AAK1: variants seen among roughly 807,000 people sequenced by gnomAD.
AAK1 encodes the protein AP2-associated protein kinase 1.
AAK1 carries 37 observed loss-of-function variants against 116.0 expected under a neutral mutation model. That is an observed-to-expected ratio of 0.32 (90% CI 0.25 to 0.42). AAK1 has a LOEUF of 0.42. AAK1 is among the 10% of genes least tolerant of loss of function. The probability of loss-of-function intolerance (pLI) is 1.00; values close to 1 mark genes in which losing one functional copy is unlikely to be tolerated. For missense variants in AAK1, 919 were observed against 1,170.6 expected, an observed-to-expected ratio of 0.79 and a Z score of 3.14; for synonymous variants, 458 against 439.9, an observed-to-expected ratio of 1.04 and a Z score of -0.51.
chr2:69,487,787 CTTT>C (rs1177565486), intron 17 of AAK1, among the ~76,000 whole-genome samples: 3 of 122,764 alleles, frequency 2.4e-5, no homozygotes, highest in Non-Finnish European at 3.6e-5. Flanking sequence ...TGTTTGTTTG[CTTT>C]TTTTTTTTTT....
At chr2:69,538,428 G>T (rs1670568298) in intron 5 of AAK1, among the ~76,000 whole-genome samples, 1 of 152,236 alleles carries the variant, frequency 6.6e-6, no homozygotes, top group Non-Finnish European at 1.5e-5. Context: ...TGTCTCCAGG[G>T]CCCCATCACT....
intron 10 of AAK1, among the ~76,000 whole-genome samples, chr2:69,522,543 C>A (rs1669832521): frequency 1.3e-5 from 2 of 152,154 alleles, no homozygotes; most frequent in Non-Finnish European, 2.9e-5. Context: ...GTGGCTCACA[C>A]CTTTAATCCC....
At chr2:69,557,046 G>T in intron 2 of AAK1, 68 bp from the exon 3 acceptor site, 1 of 1,191,202 alleles carries the variant, frequency 8.4e-7, no homozygotes, top group Non-Finnish European at 1.2e-6. Flanking sequence ...AACTGTGGTG[G>T]CTGGAGGTTG....
At chr2:69,525,242 G>T in intron 9 of AAK1, 130 bp from the exon 10 acceptor site, 1 of 820,362 alleles carries the variant, frequency 1.2e-6, no homozygotes, top group Non-Finnish European at 1.9e-6. Context: ...GCAGCTTCCA[G>T]GCCCTGAGCT....
At chr2:69,606,574 G>A (rs182770480) in intron 2 of AAK1, among the ~76,000 whole-genome samples, 37 of 152,272 alleles carry the variant, frequency 2.4e-4, no homozygotes, top group African/African-American at 8.7e-4. Flanking sequence ...GACATACATC[G>A]TCCTGCTGCC....
chr2:69,632,520 C>G (rs937850110), intron 2 of AAK1, among the ~76,000 whole-genome samples: 1 of 152,224 alleles, frequency 6.6e-6, no homozygotes, highest in Non-Finnish European at 1.5e-5. Context: ...TGGGAAGAGA[C>G]AGTAGTTGGG....
In AAK1 at chr2:69,531,388, A is replaced by G. The variant is rs148861957; in HGVS notation, c.656+653T>C. Among the ~76,000 whole-genome samples the G allele has an allele frequency of 6.6e-3, 1,011 of 152,290 alleles. 19 individuals are homozygous for G. Among genetic ancestry groups the G allele is most frequent in the East Asian group, 0.012 (64 of 5,186 alleles). On this transcript the variant is annotated intron_variant, in intron 6 of 21. Transcript: ENST00000409085. ...CGGGCATGGTTGTCTGGGGTGACGC[A>G]TGAAAGGACAGAGAAGATCAGGATG...
chr2:69,643,684 C>G lies in AAK1; in HGVS notation c.-344G>C. On this transcript the variant is annotated 5_prime_UTR_variant, in exon 1 of 22. Coordinates refer to ENST00000409085, the MANE Select transcript of AAK1 (RefSeq NM_014911.5). ...GGCGGCGCTGCAGCGAGAGCCGGGG[C>G]CGCGCTCGGCTCCCGCCCGCCCGCC... The G allele has an allele frequency of 8.2e-7, 1 of 1,222,022 alleles. No individual in the cohort carries two copies. The highest frequency in any genetic ancestry group is 1.0e-6 in the Non-Finnish European group (1 of 981,732). The allele number at this position is 1,222,022 out of a possible 1,614,324, so 75.7% of individuals were successfully genotyped here.
Position 69,467,508 on chromosome 2 carries a change from T to A in AAK1, c.*8361A>T, listed in dbSNP as rs1207360827. 3 of 985,214 alleles carry A rather than the reference T, an allele frequency of 3.0e-6. No individual in the cohort carries two copies. In the African/African-American group the frequency reaches 5.2e-5, roughly 17 times the overall value. The allele number at this position is 985,214 out of a possible 1,614,324, so 61.0% of individuals were successfully genotyped here. A position where few individuals can be genotyped will look rare whatever the true frequency, so the allele number is the denominator to read the frequency against. ...GGCATATGTAACTAAGCAAGAAGAA[T>A]CCAGAGAAAGGGTGGTTGGGGGTAA... On this transcript the variant is annotated 3_prime_UTR_variant, in exon 22 of 22. Transcript: ENST00000409085.
rs967964499 is a variant in AAK1 at position 69,461,884 on chromosome 2, G to A, written c.*13985C>T. ...TGGGATTACAAGCGTGAGCCACCGC[G>A]CCTGGCCTCCAGTGAAAAATTTAAA... On this transcript the variant is annotated 3_prime_UTR_variant, in exon 22 of 22. Coordinates refer to ENST00000409085, the MANE Select transcript of AAK1 (RefSeq NM_014911.5). 6 of 183,300 alleles carry A rather than the reference G, an allele frequency of 3.3e-5. No homozygotes were observed. The highest frequency in any genetic ancestry group is 1.9e-4 in the East Asian group (1 of 5,384). The allele number at this position is 183,300 out of a possible 1,614,324, so 11.4% of individuals were successfully genotyped here.
chr2:69,564,615 C>T (rs964761688), intron 2 of AAK1, among the ~76,000 whole-genome samples: 5 of 152,200 alleles, frequency 3.3e-5, no homozygotes, highest in African/African-American at 1.2e-4. Flanking sequence ...TGCCCCGCTT[C>T]ACCTTGAGAC....
chr2:69,548,271 G>C (rs1235267640), intron 3 of AAK1, among the ~76,000 whole-genome samples: 1 of 152,074 alleles, frequency 6.6e-6, no homozygotes, highest in Non-Finnish European at 1.5e-5. Flanking sequence ...TAACATGACA[G>C]ACTGGGAGGA....
At chr2:69,622,860 C>T (rs554822333) in intron 2 of AAK1, among the ~76,000 whole-genome samples, 1 of 152,150 alleles carries the variant, frequency 6.6e-6, no homozygotes, top group Non-Finnish European at 1.5e-5. Context: ...TTGTGTCTAG[C>T]TCAGGGATTA....
Position 69,472,806 on chromosome 2 carries a change from C to T in AAK1, c.*3063G>A, listed in dbSNP as rs908543460. Reference sequence around the variant, plus strand: ...ACATTTAAAAAGAAATCTTCTGATACCATTTTATTAGAATAGGTAGGTGTG... The same window carrying T: ...ACATTTAAAAAGAAATCTTCTGATATCATTTTATTAGAATAGGTAGGTGTG... On this transcript the variant is annotated 3_prime_UTR_variant, in exon 22 of 22. Coordinates refer to ENST00000409085, the MANE Select transcript of AAK1 (RefSeq NM_014911.5). 1.4e-5 allele frequency: 14 copies of T among 985,288 alleles called. No homozygotes were observed. In the African/African-American group the frequency reaches 2.4e-4, roughly 17 times the overall value. The allele number at this position is 985,288 out of a possible 1,614,324, so 61.0% of individuals were successfully genotyped here.
intron 16 of AAK1, among the ~76,000 whole-genome samples, chr2:69,504,954 T>C (rs978174943): frequency 6.6e-6 from 1 of 152,202 alleles, no homozygotes; most frequent in Non-Finnish European, 1.5e-5. Flanking sequence ...AATTACTAAC[T>C]TTTATATAAT....
intron 16 of AAK1, among the ~76,000 whole-genome samples, chr2:69,497,742 T>G (rs1283656945): frequency 6.6e-6 from 1 of 152,162 alleles, no homozygotes; most frequent in Non-Finnish European, 1.5e-5. Flanking sequence ...ACGTTTTATT[T>G]TGAAGTAATA....
rs183310776 is a variant in AAK1, at chr2:69,512,360, C to T, written c.1776+2111G>A. The stretch of plus-strand genomic sequence containing the variant: ...TCTCTTTTCAAGTGTATAGTTTTTC[C>T]GTAATTTCACAATTCCTTTAACATT... On this transcript the variant is annotated intron_variant, in intron 13 of 21. Coordinates refer to ENST00000409085, the MANE Select transcript of AAK1 (RefSeq NM_014911.5). Among the ~76,000 whole-genome samples, 89 of 151,978 alleles carry T rather than the reference C, an allele frequency of 5.9e-4. 3 individuals are homozygous for T. The East Asian group carries it at 0.012, about 20-fold the overall frequency.
chr2:69,475,841 C>A lies in AAK1; in HGVS notation c.*28G>T. 6.2e-7 allele frequency: 1 copy of A among 1,600,324 alleles called. No homozygotes were observed. The highest frequency in any genetic ancestry group is 1.3e-5 in the African/African-American group (1 of 74,648). ...AATGTATTTTACGGTATGAAGGTTA[C>A]AGAACTGCATCTGCTACTGGGTCAC... is the stretch of plus-strand genomic sequence containing the variant. On this transcript the variant is annotated 3_prime_UTR_variant, in exon 22 of 22. Transcript: ENST00000409085.
intron 7 of AAK1, 67 bp downstream of exon 7, chr2:69,530,558 T>C: frequency 7.4e-7 from 1 of 1,359,808 alleles, no homozygotes; most frequent in Non-Finnish European, 1.1e-6. Context: ...GCTGTGTGCA[T>C]TAACCTTGGG....
Sources: allele counts gnomAD v4.1 joint callset (sites outside exome capture counted in the v4.1 genomes callset), GRCh38; gene constraint gnomAD v4.1.1; transcripts MANE v1.5; gene names NCBI Gene and HGNC (gene_info 2026-07-23, HGNC 2026-07-21).